RBKS: variants seen among roughly 807,000 people sequenced by gnomAD.
RBKS encodes the protein ribokinase.
Under a neutral mutation model 33.9 loss-of-function variants are expected in RBKS, and 33 were observed. The ratio of observed to expected loss-of-function variants is 0.97; its 90% CI spans 0.74 to 1.30. The LOEUF is 1.30. Among genes scored for constraint, RBKS ranks in the 50% most tolerant of loss-of-function variants. RBKS has a pLI of 0.00. For missense variants in RBKS, 361 were observed against 392.6 expected, an observed-to-expected ratio of 0.92 and a Z score of 0.68; for synonymous variants, 125 against 143.0, an observed-to-expected ratio of 0.87 and a Z score of 0.90.
intron 2 of RBKS, among the ~76,000 whole-genome samples, chr2:27,858,049 G>A (rs966781682): frequency 1.9e-4 from 29 of 152,102 alleles, no homozygotes; most frequent in African/African-American, 6.5e-4. Flanking sequence ...AGGAAATACT[G>A]ATATATGCTA....
intron 6 of RBKS, among the ~76,000 whole-genome samples, chr2:27,829,589 G>C (rs1009823867): frequency 6.6e-6 from 1 of 151,810 alleles, no homozygotes; most frequent in Non-Finnish European, 1.5e-5. Flanking sequence ...GGATGGTCTC[G>C]ATCTCCTGAC....
At chr2:27,801,961 A>ATATATAT (rs1386207212) in intron 7 of RBKS, among the ~76,000 whole-genome samples, 85 of 63,798 alleles carry the variant, frequency 1.3e-3, no homozygotes, top group African/African-American at 2.0e-3. Flanking sequence ...AAAAAAAAAA[A>ATATATAT]AAATATATAT....
At chr2:27,802,563 T>G (rs1677819298) in intron 7 of RBKS, among the ~76,000 whole-genome samples, 1 of 151,928 alleles carries the variant, frequency 6.6e-6, no homozygotes, top group African/African-American at 2.4e-5. Context: ...AAACAAAGTT[T>G]GAGAAAAAAT....
chr2:27,802,535 G>T (rs539077568), intron 7 of RBKS, among the ~76,000 whole-genome samples: 2 of 152,018 alleles, frequency 1.3e-5, no homozygotes, highest in African/African-American at 4.8e-5. Context: ...AGTTTCCTTG[G>T]CATGGGATGA....
chr2:27,860,552 CTG>C (rs1273907664), intron 1 of RBKS, among the ~76,000 whole-genome samples: 2 of 152,120 alleles, frequency 1.3e-5, no homozygotes, highest in African/African-American at 4.8e-5. Context: ...TTATTACTAA[CTG>C]TGAGAATTCA....
intron 2 of RBKS, among the ~76,000 whole-genome samples, chr2:27,849,601 G>GA (rs1226975742): frequency 1.1e-4 from 12 of 110,882 alleles, no homozygotes; most frequent in Admixed American, 3.5e-4. Context: ...AAGAAAAAAA[G>GA]AAAAAAAAGA....
intron 4 of RBKS, among the ~76,000 whole-genome samples, chr2:27,843,667 CT>C (rs1228675285): frequency 2.6e-5 from 4 of 152,164 alleles, no homozygotes; most frequent in Non-Finnish European, 5.9e-5. Context: ...TGTGTGTACC[CT>C]ATGGTATTCT....
intron 1 of RBKS, among the ~76,000 whole-genome samples, chr2:27,883,322 C>T (rs1664457443): frequency 6.6e-6 from 1 of 152,122 alleles, no homozygotes; most frequent in African/African-American, 2.4e-5. Context: ...GCCTCAGCCT[C>T]CCGAGTAGCT....
At chr2:27,877,515 T>C (rs1201607198) in intron 1 of RBKS, among the ~76,000 whole-genome samples, 2 of 152,160 alleles carry the variant, frequency 1.3e-5, no homozygotes, top group African/African-American at 4.8e-5. Context: ...TAGAGAGAAT[T>C]TGACTATCTC....
At chr2:27,785,506 T>TG (rs1677380268) in intron 7 of RBKS, among the ~76,000 whole-genome samples, 1 of 152,112 alleles carries the variant, frequency 6.6e-6, no homozygotes, top group South Asian at 2.1e-4. Context: ...GGCTCATGCT[T>TG]GTAATCCCAG....
chr2:27,881,518 G>A (rs1664416675), intron 1 of RBKS, among the ~76,000 whole-genome samples: 1 of 151,948 alleles, frequency 6.6e-6, no homozygotes, highest in Non-Finnish European at 1.5e-5. Flanking sequence ...TCCAGCCTGG[G>A]TGACAGAGTG....
chr2:27,813,851 C>T (rs1678038821), intron 7 of RBKS, among the ~76,000 whole-genome samples: 1 of 151,986 alleles, frequency 6.6e-6, no homozygotes, highest in Non-Finnish European at 1.5e-5. Context: ...ATCTAGATTC[C>T]CTGTAGTAAA....
At chr2:27,854,750 C>CTTT (rs773901822) in intron 2 of RBKS, among the ~76,000 whole-genome samples, 4 of 133,674 alleles carry the variant, frequency 3.0e-5, no homozygotes, top group African/African-American at 8.2e-5. Flanking sequence ...GTTGCTTTTT[C>CTTT]TTTTTTTTTT....
intron 1 of RBKS, among the ~76,000 whole-genome samples, chr2:27,881,162 T>C (rs1469208223): frequency 1.3e-5 from 2 of 152,244 alleles, no homozygotes; most frequent in East Asian, 3.9e-4. Context: ...TGTCGGGGGA[T>C]TGCTGGAGCC....
At chr2:27,845,897 T>G (rs1002265678) in intron 4 of RBKS, among the ~76,000 whole-genome samples, 1 of 152,202 alleles carries the variant, frequency 6.6e-6, no homozygotes, top group Admixed American at 6.5e-5. Flanking sequence ...TTAAAAAAAC[T>G]TATGTAGGCG....
intron 7 of RBKS, among the ~76,000 whole-genome samples, chr2:27,807,558 T>C (rs1451986002): frequency 6.6e-6 from 1 of 152,096 alleles, no homozygotes; most frequent in East Asian, 1.9e-4. Flanking sequence ...AAAAAATTTT[T>C]TTGTAGAGAT....
intron 3 of RBKS, among the ~76,000 whole-genome samples, chr2:27,847,505 G>A (rs1328552374): frequency 6.6e-6 from 1 of 152,130 alleles, no homozygotes; most frequent in Non-Finnish European, 1.5e-5. Context: ...ATTCTCATAA[G>A]CTTGTTATTT....
intron 6 of RBKS, 34 bp downstream of exon 6, chr2:27,832,652 T>C (rs1205355059): frequency 6.9e-7 from 1 of 1,446,068 alleles, no homozygotes; most frequent in African/African-American, 1.4e-5. Context: ...AACTTTTGGT[T>C]TCTCATAGAA....
At chr2:27,798,501 A>C (rs1312380516) in intron 7 of RBKS, among the ~76,000 whole-genome samples, 1 of 151,900 alleles carries the variant, frequency 6.6e-6, no homozygotes, top group East Asian at 1.9e-4. Flanking sequence ...TTAAATCCTA[A>C]ATGTTTCTCA....
Sources: allele counts gnomAD v4.1 joint callset (sites outside exome capture counted in the v4.1 genomes callset), GRCh38; gene constraint gnomAD v4.1.1; transcripts MANE v1.5; gene names NCBI Gene and HGNC (gene_info 2026-07-23, HGNC 2026-07-21).